PIK3C2A: variants seen among roughly 807,000 people sequenced by gnomAD.
PIK3C2A encodes phosphatidylinositol-4-phosphate 3-kinase catalytic subunit type 2 alpha.
Under a neutral mutation model 204.5 loss-of-function variants are expected in PIK3C2A, and 97 were observed. The ratio of observed to expected loss-of-function variants is 0.47; its 90% CI spans 0.40 to 0.56. The LOEUF is 0.56. Among genes scored for constraint, PIK3C2A ranks in the 20% least tolerant of loss-of-function variants. The probability of loss-of-function intolerance (pLI) is 0.00; values close to 1 mark genes in which losing one functional copy is unlikely to be tolerated. For synonymous variants in PIK3C2A, 653 were observed against 664.4 expected, an observed-to-expected ratio of 0.98 and a Z score of 0.26; for missense variants, 1,735 against 1,969.2, an observed-to-expected ratio of 0.88 and a Z score of 2.25.
At chr11:17,131,794 TAA>T (rs1244559077) in intron 12 of PIK3C2A, 120 bp downstream of exon 12, 5 of 784,280 alleles carry the variant, frequency 6.4e-6, no homozygotes, top group Non-Finnish European at 1.1e-5. Context: ...TCTTAAGACA[TAA>T]GTCAGAAGTT....
chr11:17,172,370 G>C (rs568387215), intron 1 of PIK3C2A, among the ~76,000 whole-genome samples: 13 of 152,072 alleles, frequency 8.5e-5, no homozygotes, highest in African/African-American at 2.9e-4. Context: ...GGATGAGAGG[G>C]GCCAGCTAAC....
rs201949280 is a variant in PIK3C2A at position 17,112,709 on chromosome 11, T to C, written c.3322-43A>G. 3.1e-4 allele frequency: 329 copies of C among 1,050,226 alleles called. 1 individual carries two copies. In the African/African-American group the frequency reaches 4.9e-3, roughly 16 times the overall value. 65.1% of individuals were successfully genotyped at this position (1,050,226 alleles called of 1,614,324 possible). A position where few individuals can be genotyped will look rare whatever the true frequency, so the allele number is the denominator to read the frequency against. On this transcript the variant is annotated intron_variant, in intron 20 of 32. Coordinates refer to ENST00000691414, the MANE Select transcript of PIK3C2A (RefSeq NM_002645.4). ...TAAGCATTAGAAAGATAAATGAAAA[T>C]GGATTTAGAATTTTTTTTTGTCCTA...
chr11:17,117,707 GGTTTTTTTTTTTTT>G, intron 18 of PIK3C2A, 36 bp from the exon 19 acceptor site: 2 of 532,488 alleles, frequency 3.8e-6, no homozygotes, highest in Non-Finnish European at 5.8e-6. Flanking sequence ...GTCACGTCTT[GGTTTTTTTTTTTTT>G]TTTTTTTTTT....
chr11:17,148,526 A>G, intron 5 of PIK3C2A, 141 bp downstream of exon 5: 1 of 713,236 alleles, frequency 1.4e-6, no homozygotes, highest in Non-Finnish European at 2.3e-6. Flanking sequence ...ATATATTTCA[A>G]TAAAAGTTTA....
At chr11:17,137,112 ATTTATGCCAAACT>A (rs1385571398) in intron 8 of PIK3C2A, among the ~76,000 whole-genome samples, 39 of 152,296 alleles carry the variant, frequency 2.6e-4, no homozygotes, top group African/African-American at 7.0e-4. Context: ...TTCATAAAAC[ATTTATGCCAAACT>A]TTTATGCCAA....
At chr11:17,165,024 CAT>C (rs1207796427) in intron 2 of PIK3C2A, among the ~76,000 whole-genome samples, 7 of 152,212 alleles carry the variant, frequency 4.6e-5, no homozygotes, top group African/African-American at 1.7e-4. Context: ...GTGGAGAACA[CAT>C]GTGTTGAACT....
intron 2 of PIK3C2A, among the ~76,000 whole-genome samples, chr11:17,161,583 T>C (rs1196958070): frequency 6.6e-6 from 1 of 152,146 alleles, no homozygotes; most frequent in East Asian, 1.9e-4. Context: ...CAGAAGACAG[T>C]TTTAAGTATT....
At chr11:17,177,930 T>A (rs765115459) in intron 1 of PIK3C2A, among the ~76,000 whole-genome samples, 1 of 151,700 alleles carries the variant, frequency 6.6e-6, no homozygotes, top group Non-Finnish European at 1.5e-5. Flanking sequence ...TTGTCTCTAC[T>A]GAAAATACAA....
At chr11:17,183,597 C>T (rs1451264150) in intron 1 of PIK3C2A, among the ~76,000 whole-genome samples, 4 of 152,098 alleles carry the variant, frequency 2.6e-5, no homozygotes, top group African/African-American at 9.7e-5. Context: ...AGGAGAATCC[C>T]TTGAACCTGG....
At chr11:17,150,327 C>T (rs1237878176) in intron 4 of PIK3C2A, among the ~76,000 whole-genome samples, 171 bp downstream of exon 4, 1 of 152,202 alleles carries the variant, frequency 6.6e-6, no homozygotes, top group Non-Finnish European at 1.5e-5. Context: ...AGATAATTAT[C>T]TATTTATAAA....
intron 1 of PIK3C2A, among the ~76,000 whole-genome samples, chr11:17,206,449 C>T (rs1852577057): frequency 6.6e-6 from 1 of 151,798 alleles, no homozygotes; most frequent in Non-Finnish European, 1.5e-5. Flanking sequence ...CAACTAGGGT[C>T]CTTTCGTCTA....
intron 28 of PIK3C2A, among the ~76,000 whole-genome samples, chr11:17,093,394 G>T (rs1848364770): frequency 6.6e-6 from 1 of 152,150 alleles, no homozygotes; most frequent in Non-Finnish European, 1.5e-5. Flanking sequence ...AGCCTCCCAA[G>T]TAGCTGGGAC....
intron 1 of PIK3C2A, among the ~76,000 whole-genome samples, chr11:17,197,720 C>A (rs763454679): frequency 2.6e-5 from 4 of 152,166 alleles, no homozygotes; most frequent in Admixed American, 2.6e-4. Flanking sequence ...AATTACTGAA[C>A]TTTGATCTAC....
Position 17,089,878 on chromosome 11 carries a change from C to T in PIK3C2A, c.4921G>A (p.Glu1641Lys), listed in dbSNP as rs1848251979. Residue 1641 changes from glutamate to lysine, a missense_variant, in exon 33 of 33, where the codon GAA becomes AAA. Physicochemically the swap from Glu to Lys is moderately conservative, Grantham distance 56 (BLOSUM62 1). This residue lies in a region of PIK3C2A where 503 missense variants were observed against 669.0 expected (regional missense o/e 0.75). Coordinates refer to ENST00000691414, the MANE Select transcript of PIK3C2A (RefSeq NM_002645.4). The stretch of plus-strand genomic sequence containing the variant: ...GCACTGAGTACACTTAGTTGAAGTT[C>T]TCGCTGTCTTAGGGTTTCTTTGCTA... ...GYSKETLRQR[E>K]LQLSVLSAES... 1 of 1,613,046 alleles carries T rather than the reference C, an allele frequency of 6.2e-7. No homozygotes were observed. The highest frequency in any genetic ancestry group is 8.5e-7 in the Non-Finnish European group (1 of 1,179,292).
At chr11:17,105,080 G>T in intron 23 of PIK3C2A, 89 bp downstream of exon 23, 2 of 937,682 alleles carry the variant, frequency 2.1e-6, no homozygotes, top group Non-Finnish European at 3.4e-6. Flanking sequence ...ATGACTATTT[G>T]GTCACCAGAG....
rs1399962276 is a variant in PIK3C2A, at chr11:17,111,373, C to T, written c.3415-812G>A. 2.6e-5 allele frequency among the ~76,000 whole-genome samples: 4 copies of T among 152,126 alleles called. No homozygotes were observed. In the South Asian group the frequency reaches 8.3e-4, roughly 31 times the overall value. On this transcript the variant is annotated intron_variant, in intron 21 of 32. Transcript: ENST00000691414. ...CAGGATTCCTCTGTACAGTTTGTTA[C>T]AATTGCCTATGAATCTATAATTATC...
chr11:17,094,075 C>A (rs1291341311), intron 28 of PIK3C2A, among the ~76,000 whole-genome samples, 186 bp downstream of exon 28: 2 of 152,208 alleles, frequency 1.3e-5, no homozygotes, highest in Non-Finnish European at 2.9e-5. Flanking sequence ...ATCATTTATT[C>A]ATTCAACAAA....
intron 13 of PIK3C2A, among the ~76,000 whole-genome samples, chr11:17,125,131 A>G (rs1849481938): frequency 1.3e-5 from 2 of 152,328 alleles, no homozygotes; most frequent in East Asian, 3.9e-4. Flanking sequence ...GTTGCAGAAA[A>G]ACTATTTAAT....
intron 1 of PIK3C2A, among the ~76,000 whole-genome samples, chr11:17,206,407 ATATCT>A (rs980794934): frequency 4.6e-5 from 7 of 152,054 alleles, no homozygotes; most frequent in Non-Finnish European, 1.0e-4. Context: ...TACTAAACAA[ATATCT>A]TATATAAAAA....
Sources: allele counts gnomAD v4.1 joint callset (sites outside exome capture counted in the v4.1 genomes callset), GRCh38; gene constraint gnomAD v4.1.1; regional missense constraint gnomAD v4.1.1; transcripts MANE v1.5; gene names NCBI Gene and HGNC (gene_info 2026-07-23, HGNC 2026-07-21).